Variants in TINAG observed in about 807,000 individuals in gnomAD.
TINAG encodes tubulointerstitial nephritis antigen.
Under a neutral mutation model 72.7 loss-of-function variants are expected in TINAG, and 83 were observed. The ratio of observed to expected loss-of-function variants is 1.14; its 90% CI spans 0.96 to 1.37. TINAG has a LOEUF of 1.37. Among genes scored for constraint, TINAG ranks in the 40% most tolerant of loss-of-function variants. The probability of loss-of-function intolerance (pLI) is 0.00; values close to 1 mark genes in which losing one functional copy is unlikely to be tolerated. For missense variants in TINAG, 685 were observed against 576.6 expected (o/e 1.19, Z -1.93); for synonymous variants, 234 against 189.9 (o/e 1.23, Z -1.91).
In TINAG at chr6:54,354,648, A is replaced by C; in HGVS notation, c.1250+12A>C. On this transcript the variant is annotated intron_variant, in intron 9 of 10. Coordinates refer to ENST00000259782, the MANE Select transcript of TINAG (RefSeq NM_014464.4). Reference sequence around the variant, plus strand: ...GTCAAACTCACTGGGTAAGGCAATTAAACAAAATTCATTTAATTCTTTTGG... The same window carrying C: ...GTCAAACTCACTGGGTAAGGCAATTCAACAAAATTCATTTAATTCTTTTGG... 8.1e-6 allele frequency: 13 copies of C among 1,600,828 alleles called. No homozygotes were observed. Among genetic ancestry groups the C allele is most frequent in the Non-Finnish European group, 1.1e-5 (13 of 1,175,156 alleles).
At chr6:54,376,338 C>CAGT (rs1763778046) in intron 9 of TINAG, among the ~76,000 whole-genome samples, 1 of 151,876 alleles carries the variant, frequency 6.6e-6, no homozygotes, top group Non-Finnish European at 1.5e-5. Context: ...TTGGGCTAAC[C>CAGT]AGTAATTTGT....
chr6:54,354,113 G>A (rs1450419452), intron 8 of TINAG, among the ~76,000 whole-genome samples: 2 of 151,826 alleles, frequency 1.3e-5, no homozygotes, highest in Non-Finnish European at 2.9e-5. Context: ...ATTGCTTTAA[G>A]CTCAGTTTGC....
chr6:54,383,444 C>T (rs1383570071), intron 10 of TINAG, among the ~76,000 whole-genome samples: 3 of 151,880 alleles, frequency 2.0e-5, no homozygotes, highest in Non-Finnish European at 4.4e-5. Context: ...ATAAATTCTA[C>T]TAAATAAGTA....
intron 10 of TINAG, among the ~76,000 whole-genome samples, chr6:54,386,189 C>T (rs565911825): frequency 1.3e-5 from 2 of 152,118 alleles, no homozygotes; most frequent in Non-Finnish European, 1.5e-5. Context: ...GTGAACCCGG[C>T]TTGAATATCT....
intron 5 of TINAG, among the ~76,000 whole-genome samples, chr6:54,343,625 G>C (rs1280267811): frequency 6.6e-6 from 1 of 151,322 alleles, no homozygotes; most frequent in Non-Finnish European, 1.5e-5. Context: ...TGTCTATTCA[G>C]AGTTAAGGCC....
intron 1 of TINAG, among the ~76,000 whole-genome samples, chr6:54,313,542 A>C (rs933398669): frequency 1.3e-5 from 2 of 152,086 alleles, no homozygotes; most frequent in African/African-American, 4.8e-5. Context: ...TCAGGTATTA[A>C]CTCATTCATT....
At chr6:54,311,841 G>C (rs1157970558) in intron 1 of TINAG, among the ~76,000 whole-genome samples, 1 of 152,090 alleles carries the variant, frequency 6.6e-6, no homozygotes, top group Non-Finnish European at 1.5e-5. Flanking sequence ...ACTTCAGCTA[G>C]AATTTTGAAT....
intron 9 of TINAG, among the ~76,000 whole-genome samples, chr6:54,363,633 A>AC (rs1359705976): frequency 1.3e-5 from 2 of 151,246 alleles, no homozygotes; most frequent in African/African-American, 4.8e-5. Flanking sequence ...AAAAAAAAAA[A>AC]AACAGGCAGA....
intron 9 of TINAG, among the ~76,000 whole-genome samples, chr6:54,365,906 T>C (rs1039996477): frequency 2.0e-5 from 3 of 151,580 alleles, no homozygotes; most frequent in Non-Finnish European, 3.0e-5. Flanking sequence ...GGTGTGTGTC[T>C]GTAGTACCAG....
At chr6:54,350,369 C>T (rs1349082443) in intron 7 of TINAG, among the ~76,000 whole-genome samples, 1 of 151,842 alleles carries the variant, frequency 6.6e-6, no homozygotes, top group Non-Finnish European at 1.5e-5. Context: ...ATCAGTGTTC[C>T]CCAAGCCTTC....
chr6:54,333,550 G>A (rs1165306067), intron 4 of TINAG, among the ~76,000 whole-genome samples: 1 of 151,718 alleles, frequency 6.6e-6, no homozygotes, highest in Non-Finnish European at 1.5e-5. Flanking sequence ...AAACCACCAT[G>A]GCACATGTAT....
intron 9 of TINAG, among the ~76,000 whole-genome samples, chr6:54,371,984 T>C (rs1239874794): frequency 1.3e-5 from 1 of 78,704 alleles, no homozygotes; most frequent in African/African-American, 6.1e-5. Flanking sequence ...AAGTCATGTT[T>C]TTTTTTTTTT....
intron 1 of TINAG, 40 bp from the exon 2 acceptor site, chr6:54,320,539 T>A (rs766979124): frequency 2.0e-6 from 3 of 1,506,156 alleles, no homozygotes; most frequent in Non-Finnish European, 2.7e-6. Flanking sequence ...CTTTATTACT[T>A]AGTTTAGCAT....
In TINAG at chr6:54,327,528, T is replaced by C. The variant is rs1784636149; in HGVS notation, c.624+612T>C. ...TTTCAAGCACAAAACTGGGTGGCCA[T>C]TTGGGCAGACACTGAACTAGCTGCA... On this transcript the variant is annotated intron_variant, in intron 4 of 10. Transcript: ENST00000259782. Among the ~76,000 whole-genome samples the C allele has an allele frequency of 3.3e-5, 5 of 152,042 alleles. No individual in the cohort carries two copies. The South Asian group carries it at 1.0e-3, about 32-fold the overall frequency.
chr6:54,380,444 G>T, intron 9 of TINAG, 82 bp from the exon 10 acceptor site: 2 of 1,162,814 alleles, frequency 1.7e-6, no homozygotes, highest in African/African-American at 3.1e-5. Context: ...AAAGATGTAG[G>T]AATGACAATA....
chr6:54,352,724 T>G (rs925390051), intron 8 of TINAG, among the ~76,000 whole-genome samples: 1 of 151,768 alleles, frequency 6.6e-6, no homozygotes, highest in African/African-American at 2.4e-5. Context: ...TCAAGTGTTT[T>G]TTTTTTCTTT....
chr6:54,363,569 G>C (rs768685978), intron 9 of TINAG, among the ~76,000 whole-genome samples: 1 of 149,324 alleles, frequency 6.7e-6, no homozygotes, highest in Non-Finnish European at 1.5e-5. Flanking sequence ...TCTACTGTGG[G>C]ATCTCATAGT....
chr6:54,317,259 A>C (rs1423632583), intron 1 of TINAG, among the ~76,000 whole-genome samples: 1 of 151,726 alleles, frequency 6.6e-6, no homozygotes, highest in Non-Finnish European at 1.5e-5. Context: ...TTTCTTCTCA[A>C]GCATCATTTT....
intron 10 of TINAG, among the ~76,000 whole-genome samples, chr6:54,385,542 C>T (rs1764074028): frequency 6.6e-6 from 1 of 151,958 alleles, no homozygotes; most frequent in East Asian, 1.9e-4. Flanking sequence ...AAAGACTTCA[C>T]TGGTGAATTT....
Sources: gnomAD v4.1 joint callset for allele counts (sites outside exome capture counted in the v4.1 genomes callset) on GRCh38, gnomAD v4.1.1 for gene constraint, MANE v1.5 for transcripts, NCBI Gene and HGNC (gene_info 2026-07-23, HGNC 2026-07-21) for gene names.